Variants in KCNC2 observed in about 807,000 individuals in gnomAD.
KCNC2 encodes the protein voltage-gated potassium channel KCNC2.
In KCNC2, 21 loss-of-function variants were observed where a neutral mutation model predicts 44.5. The observed-to-expected ratio is 0.47, with a 90% CI of 0.33 to 0.68. KCNC2 has a LOEUF of 0.68. KCNC2 is among the 30% of genes least tolerant of loss of function. KCNC2 has a pLI of 0.01. For missense variants in KCNC2, 589 were observed against 826.2 expected, an observed-to-expected ratio of 0.71 and a Z score of 3.52; for synonymous variants, 391 against 339.1, an observed-to-expected ratio of 1.15 and a Z score of -1.68.
At chr12:75,106,370 G>A (rs949813777) in intron 2 of KCNC2, among the ~76,000 whole-genome samples, 2 of 152,096 alleles carry the variant, frequency 1.3e-5, no homozygotes, top group African/African-American at 4.8e-5. Context: ...ATAAGGTGGT[G>A]GCTAGAATTA....
intron 2 of KCNC2, among the ~76,000 whole-genome samples, chr12:75,169,143 G>T (rs1189355157): frequency 6.6e-6 from 1 of 151,498 alleles, no homozygotes; most frequent in Non-Finnish European, 1.5e-5. Context: ...TTAGATCATA[G>T]TAATTAAATA....
At position 75,181,917 on chromosome 12, in the gene KCNC2, T is replaced by A. The variant is rs77183176; in HGVS notation, c.687+25380A>T. Among the ~76,000 whole-genome samples the A allele has an allele frequency of 5.8e-4, 11 of 18,812 alleles. 1 individual carries two copies. The highest frequency in any genetic ancestry group is 3.1e-3 in the Admixed American group (6 of 1,936). 12.3% of individuals were successfully genotyped at this position (18,812 alleles called of 152,430 possible). On this transcript the variant is annotated intron_variant, in intron 2 of 4. Transcript: ENST00000549446. ...AACATTATTACTATTAATATCTTCC[T>A]TTTTTTTTTTTTTTTTTTTTTTTTT... is the stretch of plus-strand genomic sequence containing the variant.
intron 2 of KCNC2, among the ~76,000 whole-genome samples, chr12:75,129,226 C>T (rs1888658843): frequency 6.6e-6 from 1 of 152,176 alleles, no homozygotes; most frequent in Non-Finnish European, 1.5e-5. Flanking sequence ...TGAACTAGTC[C>T]TCAAGTACAT....
At chr12:75,093,608 G>A (rs956998649) in intron 2 of KCNC2, among the ~76,000 whole-genome samples, 5 of 151,486 alleles carry the variant, frequency 3.3e-5, no homozygotes, top group Admixed American at 2.6e-4. Context: ...AAATTTAAAG[G>A]ATTTATGAAG....
intron 2 of KCNC2, among the ~76,000 whole-genome samples, chr12:75,067,826 T>G (rs1882987801): frequency 6.6e-6 from 1 of 152,080 alleles, no homozygotes; most frequent in South Asian, 2.1e-4. Context: ...TTTGTCAAAG[T>G]GTATCACATT....
intron 2 of KCNC2, among the ~76,000 whole-genome samples, chr12:75,142,179 G>T (rs1295649237): frequency 6.6e-6 from 1 of 152,144 alleles, no homozygotes; most frequent in Non-Finnish European, 1.5e-5. Flanking sequence ...AGCAGAGAAA[G>T]ATTAATAATT....
chr12:75,043,379 A>T (rs1467144225), intron 4 of KCNC2, 138 bp from the exon 5 acceptor site: 1 of 1,403,094 alleles, frequency 7.1e-7, no homozygotes, highest in Non-Finnish European at 9.3e-7. Flanking sequence ...ATATTGAGAC[A>T]ATTTATAACT....
chr12:75,046,506 A>G (rs916738477), intron 4 of KCNC2, among the ~76,000 whole-genome samples: 3 of 151,736 alleles, frequency 2.0e-5, no homozygotes, highest in African/African-American at 4.8e-5. Flanking sequence ...AATGCTGCTT[A>G]AAAATGTATG....
At chr12:75,068,117 G>A (rs1883019868) in intron 2 of KCNC2, among the ~76,000 whole-genome samples, 1 of 152,104 alleles carries the variant, frequency 6.6e-6, no homozygotes, top group African/African-American at 2.4e-5. Flanking sequence ...ACATCTGGAG[G>A]GATAGACCCA....
intron 2 of KCNC2, among the ~76,000 whole-genome samples, chr12:75,086,660 CAAAAAAAAAAAAAA>C (rs751242858): frequency 8.5e-6 from 1 of 117,014 alleles, no homozygotes; most frequent in East Asian, 2.5e-4. Flanking sequence ...GTTCATTTGG[CAAAAAAAAAAAAAA>C]AAAAAAAATA....
chr12:75,207,821 G>T lies in KCNC2; in HGVS notation c.163C>A (p.Gln55Lys), dbSNP rs2031829369. 6.2e-7 allele frequency: 1 copy of T among 1,607,256 alleles called. No homozygotes were observed. The highest frequency in any genetic ancestry group is 8.5e-7 in the Non-Finnish European group (1 of 1,178,388). ...DCLTTAGDKL[Q>K]PSPPPLSPPP... ...GGCGACAGTGGAGGCGGCGACGGCT[G>T]CAGCTTGTCGCCCGCCGTGGTCAAG... The change falls in exon 2 of 5, where the codon CAG becomes AAG. Residue 55 changes from glutamine to lysine, a missense_variant. Coordinates refer to ENST00000549446, the MANE Select transcript of KCNC2 (RefSeq NM_139137.4). This position sits in a 1 kb window ranked among gnomAD's most constrained non-coding sequence, Gnocchi z 4.1.
intron 2 of KCNC2, among the ~76,000 whole-genome samples, chr12:75,116,303 T>C (rs1333225521): frequency 2.0e-5 from 3 of 152,118 alleles, no homozygotes; most frequent in Non-Finnish European, 2.9e-5. Context: ...AATCTCATAC[T>C]CTGCCTCAAA....
intron 2 of KCNC2, among the ~76,000 whole-genome samples, chr12:75,053,509 A>G (rs1399626874): frequency 2.0e-5 from 3 of 152,044 alleles, no homozygotes; most frequent in Non-Finnish European, 4.4e-5. Flanking sequence ...AACTTTGAAA[A>G]CCAAAAGTTG....
rs752275480 is a variant in KCNC2, at chr12:75,040,167, T to G, written c.*2938A>C. 3.3e-5 allele frequency: 5 copies of G among 152,070 alleles called. No homozygotes were observed. Among genetic ancestry groups the G allele is most frequent in the African/African-American group, 4.8e-5 (2 of 41,440 alleles). The allele number at this position is 152,070 out of a possible 1,614,324, so 9.4% of individuals were successfully genotyped here. A position where few individuals can be genotyped will look rare whatever the true frequency, so the allele number is the denominator to read the frequency against. Reference sequence around the variant, plus strand: ...TCATTTCAGTTAGTTACATTTCCACTGGTTATCATCAAGGTTGTGCATGCG... The same window carrying G: ...TCATTTCAGTTAGTTACATTTCCACGGGTTATCATCAAGGTTGTGCATGCG... On this transcript the variant is annotated 3_prime_UTR_variant, in exon 5 of 5. Coordinates refer to ENST00000549446, the MANE Select transcript of KCNC2 (RefSeq NM_139137.4).
In KCNC2 at chr12:75,042,835, ATATCTGACACTATCTGTCAT is replaced by A. The variant is rs1880065699; in HGVS notation, c.*250_*269del. On this transcript the variant is annotated 3_prime_UTR_variant, in exon 5 of 5. Transcript: ENST00000549446. ...TGTTTATATATTAGTGCACTGGTCAATATCTGACACTATCTGTCATTTTATTGCAAAAGGATATCAGGGCA... is the reference window on the plus strand; with the variant it reads ...TGTTTATATATTAGTGCACTGGTCAATTTATTGCAAAAGGATATCAGGGCA... 12 of 1,275,446 alleles carry A rather than the reference ATATCTGACACTATCTGTCAT, an allele frequency of 9.4e-6. No homozygotes were observed. Among genetic ancestry groups the A allele is most frequent in the Middle Eastern group, 6.1e-4 (2 of 3,294 alleles). The allele number at this position is 1,275,446 out of a possible 1,614,324, so 79.0% of individuals were successfully genotyped here.
At chr12:75,205,938 T>C (rs1400963472) in intron 2 of KCNC2, among the ~76,000 whole-genome samples, 1 of 151,202 alleles carries the variant, frequency 6.6e-6, no homozygotes, top group Non-Finnish European at 1.5e-5. Context: ...CTACTAATTC[T>C]ATGTTCAAAT....
At chr12:75,095,124 C>T (rs1191505911) in intron 2 of KCNC2, among the ~76,000 whole-genome samples, 1 of 151,768 alleles carries the variant, frequency 6.6e-6, no homozygotes, top group Non-Finnish European at 1.5e-5. Flanking sequence ...TTACTGATAA[C>T]AGAGAAACTG....
At chr12:75,065,467 G>A (rs920961426) in intron 2 of KCNC2, among the ~76,000 whole-genome samples, 3 of 152,066 alleles carry the variant, frequency 2.0e-5, no homozygotes, top group African/African-American at 7.2e-5. Flanking sequence ...AATACAGTCT[G>A]TGCTGGATAA....
chr12:75,072,198 G>C (rs1883486600), intron 2 of KCNC2, among the ~76,000 whole-genome samples: 1 of 152,124 alleles, frequency 6.6e-6, no homozygotes, highest in Non-Finnish European at 1.5e-5. Context: ...CATTGTAGCT[G>C]TTCATAGCTG....
Sources: allele counts gnomAD v4.1 joint callset (sites outside exome capture counted in the v4.1 genomes callset), GRCh38; gene constraint gnomAD v4.1.1; non-coding constraint Gnocchi (gnomAD v3.1); transcripts MANE v1.5; gene names NCBI Gene and HGNC (gene_info 2026-07-23, HGNC 2026-07-21).